EXOC4: variants seen among roughly 807,000 people sequenced by gnomAD.
The protein encoded by EXOC4 is exocyst complex component 4.
EXOC4 carries 71 observed loss-of-function variants against 107.2 expected under a neutral mutation model. The ratio of observed to expected loss-of-function variants is 0.66; its 90% CI spans 0.55 to 0.81. EXOC4 has a LOEUF of 0.81. Ranked by LOEUF, EXOC4 falls within the 30% of genes least tolerant of loss-of-function variation. The pLI, the probability that EXOC4 is intolerant of heterozygous loss-of-function variation, is 0.00. For missense variants in EXOC4, 1,108 were observed against 1,189.6 expected (o/e 0.93, Z 1.01); for synonymous variants, 456 against 441.2 (o/e 1.03, Z -0.42).
intron 7 of EXOC4, among the ~76,000 whole-genome samples, chr7:133,413,813 A>T (rs903299756): frequency 1.3e-5 from 2 of 152,112 alleles, no homozygotes; most frequent in Non-Finnish European, 2.9e-5. Flanking sequence ...AAGATCATAT[A>T]CTTTCCTGGT....
intron 3 of EXOC4, among the ~76,000 whole-genome samples, chr7:133,301,877 T>G (rs1794649239): frequency 6.6e-6 from 1 of 152,216 alleles, no homozygotes; most frequent in Non-Finnish European, 1.5e-5. Context: ...TTACAGTGGT[T>G]CATGTCAGAA....
intron 7 of EXOC4, among the ~76,000 whole-genome samples, chr7:133,459,512 G>C (rs977508599): frequency 6.6e-6 from 1 of 152,224 alleles, no homozygotes; most frequent in African/African-American, 2.4e-5. Context: ...CATGTGAGCT[G>C]TTCAGCCATT....
intron 6 of EXOC4, among the ~76,000 whole-genome samples, chr7:133,358,062 C>T (rs1796061535): frequency 6.6e-6 from 1 of 152,062 alleles, no homozygotes. Context: ...GTGGTGCATG[C>T]CTGTAGTCCC....
At chr7:133,545,294 G>A (rs963486268) in intron 9 of EXOC4, among the ~76,000 whole-genome samples, 18 of 152,016 alleles carry the variant, frequency 1.2e-4, no homozygotes, top group African/African-American at 4.1e-4. Context: ...TGTTGAACAA[G>A]TTATAAATTT....
chr7:133,951,756 T>C (rs1392148233), intron 14 of EXOC4, among the ~76,000 whole-genome samples: 1 of 152,228 alleles, frequency 6.6e-6, no homozygotes, highest in Admixed American at 6.5e-5. Context: ...GGTAAGGTCG[T>C]ATTTATTCAG....
At chr7:134,079,099 GCAAT>G in the EXOC4 span, among the ~76,000 whole-genome samples, 1 of 152,208 alleles carries the variant, frequency 6.6e-6, no homozygotes, top group African/African-American at 2.4e-5. Flanking sequence ...AGAGATGGAA[GCAAT>G]GTGACTCCTC....
At chr7:133,942,873 C>T (rs1349550908) in intron 14 of EXOC4, among the ~76,000 whole-genome samples, 2 of 152,118 alleles carry the variant, frequency 1.3e-5, no homozygotes, top group African/African-American at 4.8e-5. Context: ...TGAATTTCAT[C>T]TTAGTTGCAA....
chr7:133,551,958 A>AT (rs1332283971), intron 9 of EXOC4, among the ~76,000 whole-genome samples: 4 of 152,114 alleles, frequency 2.6e-5, no homozygotes, highest in Admixed American at 1.3e-4. Context: ...AGGGAAATTA[A>AT]TTTTTTTATT....
intron 7 of EXOC4, among the ~76,000 whole-genome samples, chr7:133,436,048 G>GTTTTTTT (rs5887624): frequency 1.4e-5 from 2 of 142,762 alleles, no homozygotes; most frequent in Non-Finnish European, 1.5e-5. Flanking sequence ...TTATCTCAGT[G>GTTTTTTT]TTTTTTTTTT....
intron 10 of EXOC4, among the ~76,000 whole-genome samples, chr7:133,695,862 A>G (rs1360508588): frequency 1.3e-5 from 2 of 152,226 alleles, no homozygotes; most frequent in Non-Finnish European, 2.9e-5. Context: ...TATTACAGTA[A>G]AAGCCAAGGG....
At chr7:134,080,319 G>C in the EXOC4 span, among the ~76,000 whole-genome samples, 1 of 152,212 alleles carries the variant, frequency 6.6e-6, no homozygotes, top group Admixed American at 6.5e-5. Context: ...CATGCTTACT[G>C]AAGGGACTAA....
intron 5 of EXOC4, among the ~76,000 whole-genome samples, chr7:133,347,533 C>T (rs1795812850): frequency 6.6e-6 from 1 of 152,180 alleles, no homozygotes; most frequent in African/African-American, 2.4e-5. Context: ...TGAGCCACCA[C>T]ACCCAGCCTG....
chr7:133,581,605 A>C (rs1448743989), intron 9 of EXOC4, among the ~76,000 whole-genome samples: 1 of 151,546 alleles, frequency 6.6e-6, no homozygotes, highest in African/African-American at 2.4e-5. Context: ...AAAAATACAA[A>C]AAATTAGCCG....
chr7:133,397,190 G>A (rs905039702), intron 7 of EXOC4, among the ~76,000 whole-genome samples: 2 of 150,766 alleles, frequency 1.3e-5, no homozygotes, highest in South Asian at 4.2e-4. Context: ...GTGCAATGGC[G>A]TGATCTTCGG....
chr7:133,662,258 T>G (rs192865052), intron 10 of EXOC4, among the ~76,000 whole-genome samples: 13 of 152,130 alleles, frequency 8.5e-5, no homozygotes, highest in African/African-American at 3.1e-4. Context: ...CATTTAATCT[T>G]AGAACATACC....
intron 10 of EXOC4, among the ~76,000 whole-genome samples, chr7:133,645,631 A>C (rs1292771743): frequency 5.3e-5 from 8 of 152,052 alleles, no homozygotes; most frequent in Admixed American, 5.2e-4. Context: ...TATGGAAATT[A>C]AGGTCATATA....
intron 10 of EXOC4, among the ~76,000 whole-genome samples, chr7:133,786,717 TCTC>T: frequency 6.6e-6 from 1 of 152,338 alleles, no homozygotes. Context: ...GTTTGCCTCT[TCTC>T]CTCCATCTAA....
chr7:133,680,356 C>A (rs947007886), intron 10 of EXOC4, among the ~76,000 whole-genome samples: 3 of 152,078 alleles, frequency 2.0e-5, no homozygotes, highest in Non-Finnish European at 4.4e-5. Flanking sequence ...TTAAAAATAT[C>A]TAAAATAAAG....
At chr7:133,865,550 C>G (rs1234751440) in intron 11 of EXOC4, among the ~76,000 whole-genome samples, 1 of 151,978 alleles carries the variant, frequency 6.6e-6, no homozygotes, top group Non-Finnish European at 1.5e-5. Flanking sequence ...AGTCTGTTCT[C>G]ACACTGCTAT....
Sources: gnomAD v4.1 joint callset for allele counts (sites outside exome capture counted in the v4.1 genomes callset) on GRCh38, gnomAD v4.1.1 for gene constraint, MANE v1.5 for transcripts, NCBI Gene and HGNC (gene_info 2026-07-23, HGNC 2026-07-21) for gene names.